The following GNAI1 variants were observed in gnomAD, a reference collection of about 807,000 sequenced individuals.
GNAI1 encodes G protein subunit alpha i1, also known as guanine nucleotide-binding protein G(i) subunit alpha-1.
GNAI1 carries 11 observed loss-of-function variants against 38.9 expected under a neutral mutation model. That is an observed-to-expected ratio of 0.28 (90% CI 0.18 to 0.47). The LOEUF (loss-of-function observed/expected upper bound fraction) is 0.47. Among genes scored for constraint, GNAI1 ranks in the 20% least tolerant of loss-of-function variants. The pLI is 0.99. For missense variants in GNAI1, 317 were observed against 436.9 expected, an observed-to-expected ratio of 0.73 and a Z score of 2.45; for synonymous variants, 166 against 145.1, an observed-to-expected ratio of 1.14 and a Z score of -1.04.
At chr7:80,207,545 C>T (rs1218258721) in intron 5 of GNAI1, among the ~76,000 whole-genome samples, 2 of 151,998 alleles carry the variant, frequency 1.3e-5, no homozygotes, top group South Asian at 2.1e-4. Context: ...TAAACTTTGT[C>T]TTATTTTGGA....
intron 3 of GNAI1, among the ~76,000 whole-genome samples, chr7:80,197,520 A>T (rs1320560668): frequency 2.6e-5 from 4 of 152,074 alleles, no homozygotes; most frequent in Non-Finnish European, 4.4e-5. Context: ...CTTTTCTAAA[A>T]TAGAAAGGTT....
rs1789036059 is a variant in GNAI1, at chr7:80,219,523, C to T, written c.*2030C>T. On this transcript the variant is annotated 3_prime_UTR_variant, in exon 8 of 8. Transcript: ENST00000649796. ...CAGCTACTCCAGAAGCTCAGATTTT[C>T]CCTGTTCCAAGCTATGAGATGTGAT... The T allele has an allele frequency of 6.6e-6, 1 of 152,182 alleles. No individual in the cohort carries two copies. The highest frequency in any genetic ancestry group is 2.1e-4 in the South Asian group (1 of 4,826). 9.4% of individuals were successfully genotyped at this position (152,182 alleles called of 1,614,324 possible). A position where few individuals can be genotyped will look rare whatever the true frequency, so the allele number is the denominator to read the frequency against.
chr7:80,166,060 A>T (rs1788006034), intron 1 of GNAI1, among the ~76,000 whole-genome samples: 1 of 152,196 alleles, frequency 6.6e-6, no homozygotes, highest in South Asian at 2.1e-4. Context: ...GTAATGGCAC[A>T]GTGCTTGTTT....
At chr7:80,152,777 A>C (rs959454286) in intron 1 of GNAI1, among the ~76,000 whole-genome samples, 1 of 151,642 alleles carries the variant, frequency 6.6e-6, no homozygotes, top group Admixed American at 6.6e-5. Flanking sequence ...GTTAGCCAGG[A>C]TGGTCTCGAT....
chr7:80,138,116 T>C (rs749268125), intron 1 of GNAI1, among the ~76,000 whole-genome samples: 3 of 152,250 alleles, frequency 2.0e-5, no homozygotes, highest in South Asian at 2.1e-4. Context: ...TCTTCACTTA[T>C]TCTGTTTTTC....
At chr7:80,165,150 G>A (rs1452797342) in intron 1 of GNAI1, among the ~76,000 whole-genome samples, 2 of 152,010 alleles carry the variant, frequency 1.3e-5, no homozygotes, top group Admixed American at 6.6e-5. Flanking sequence ...TCTGAATATT[G>A]TTCATCTCTG....
chr7:80,145,830 G>C (rs1787609489), intron 1 of GNAI1, among the ~76,000 whole-genome samples: 1 of 151,998 alleles, frequency 6.6e-6, no homozygotes, highest in Non-Finnish European at 1.5e-5. Context: ...GTACACCCTG[G>C]GTTGGCTGCA....
intron 1 of GNAI1, among the ~76,000 whole-genome samples, chr7:80,184,186 A>G (rs1050768402): frequency 6.6e-6 from 1 of 152,214 alleles, no homozygotes; most frequent in African/African-American, 2.4e-5. Flanking sequence ...GCCGAGGGGC[A>G]TAAGGTAGGG....
At chr7:80,140,132 T>C (rs1388204479) in intron 1 of GNAI1, among the ~76,000 whole-genome samples, 2 of 152,044 alleles carry the variant, frequency 1.3e-5, no homozygotes, top group Non-Finnish European at 2.9e-5. Flanking sequence ...TACAGGTGCC[T>C]GCCACCACGC....
intron 1 of GNAI1, among the ~76,000 whole-genome samples, chr7:80,169,194 A>G (rs1788061711): frequency 6.6e-6 from 1 of 152,180 alleles, no homozygotes; most frequent in African/African-American, 2.4e-5. Context: ...TCCGTAGTCT[A>G]CACGTGGCTT....
chr7:80,142,379 G>C (rs1485388256), intron 1 of GNAI1, among the ~76,000 whole-genome samples: 1 of 152,214 alleles, frequency 6.6e-6, no homozygotes. Flanking sequence ...TACTCAAGTC[G>C]TAATGTGAAA....
chr7:80,143,903 GAT>G (rs1491170154), intron 1 of GNAI1, among the ~76,000 whole-genome samples: 64 of 112,732 alleles, frequency 5.7e-4, no homozygotes, highest in Admixed American at 3.2e-3. Context: ...TCTTAGCAAG[GAT>G]GTGTGTGTGT....
At chr7:80,213,217 G>A (rs1001075739) in intron 7 of GNAI1, among the ~76,000 whole-genome samples, 1 of 152,094 alleles carries the variant, frequency 6.6e-6, no homozygotes, top group African/African-American at 2.4e-5. Flanking sequence ...CTGAAAGACA[G>A]ACATACTTAA....
intron 1 of GNAI1, among the ~76,000 whole-genome samples, chr7:80,167,463 G>A (rs901808261): frequency 3.9e-5 from 6 of 152,148 alleles, no homozygotes; most frequent in African/African-American, 9.7e-5. Context: ...TGCCAGACCC[G>A]ATGCTCACTT....
intron 7 of GNAI1, among the ~76,000 whole-genome samples, chr7:80,215,470 A>G (rs970436800): frequency 1.3e-5 from 2 of 152,198 alleles, no homozygotes; most frequent in African/African-American, 4.8e-5. Flanking sequence ...TAGTGATATA[A>G]AAGAGTTAAA....
chr7:80,217,246 T>TATGTATGAAAATGAA, intron 7 of GNAI1, 57 bp from the exon 8 acceptor site: 1 of 1,152,028 alleles, frequency 8.7e-7, no homozygotes, highest in Non-Finnish European at 1.2e-6. Flanking sequence ...GAATTCAGTA[T>TATGTATGAAAATGAA]TTTAAGCAGT....
intron 7 of GNAI1, 69 bp from the exon 8 acceptor site, chr7:80,217,234 C>CTGACTTCAGTTTCATATGTATGAAAT: frequency 9.6e-7 from 1 of 1,045,080 alleles, no homozygotes; most frequent in South Asian, 1.8e-5. Context: ...ATGTATGAAA[C>CTGACTTCAGTTTCATATGTATGAAAT]TGAATTCAGT....
rs578068789 is a variant in GNAI1 at position 80,209,451 on chromosome 7, TTATTAAG to T, written c.591-1517_591-1511del. On this transcript the variant is annotated intron_variant, in intron 5 of 7. Coordinates refer to ENST00000649796, the MANE Select transcript of GNAI1 (RefSeq NM_002069.6). ...TGTAGAGTGATTGAGGGCTGTTGTA[TTATTAAG>T]GATAGTCTCCATTACTTAAAGTTAA... is the stretch of plus-strand genomic sequence containing the variant. Among the ~76,000 whole-genome samples, 13 of 152,338 alleles carry T rather than the reference TTATTAAG, an allele frequency of 8.5e-5. No homozygotes were observed. The East Asian group carries it at 2.5e-3, about 29-fold the overall frequency.
At chr7:80,190,646 G>A (rs1226379410) in intron 3 of GNAI1, among the ~76,000 whole-genome samples, 1 of 151,962 alleles carries the variant, frequency 6.6e-6, no homozygotes, top group Non-Finnish European at 1.5e-5. Context: ...ACCATGCTTA[G>A]ATTAAGAAAA....
Sources: allele counts gnomAD v4.1 joint callset (sites outside exome capture counted in the v4.1 genomes callset), GRCh38; gene constraint gnomAD v4.1.1; transcripts MANE v1.5; gene names NCBI Gene and HGNC (gene_info 2026-07-23, HGNC 2026-07-21).